KDM4B: variants seen among roughly 807,000 people sequenced by gnomAD.
The protein encoded by KDM4B is lysine demethylase 4B, also known as lysine-specific demethylase 4B.
Under a neutral mutation model 125.2 loss-of-function variants are expected in KDM4B, and 32 were observed. The observed-to-expected ratio is 0.26, with a 90% CI of 0.19 to 0.34. The LOEUF is 0.34. KDM4B is among the 10% of genes least tolerant of loss of function. KDM4B has a pLI of 1.00. For missense variants in KDM4B, 1,190 were observed against 1,577.7 expected, an observed-to-expected ratio of 0.75 and a Z score of 4.16; for synonymous variants, 721 against 677.9, an observed-to-expected ratio of 1.06 and a Z score of -0.99.
At position 5,137,452 on chromosome 19, in the gene KDM4B, C is replaced by CA. The variant is rs146219539; in HGVS notation, c.2385+114_2385+115insA. On this transcript the variant is annotated intron_variant, in intron 16 of 22. Transcript: ENST00000159111. Reference sequence around the variant, plus strand: ...CCTCCGTGGGCCTGGGTTCCTTCACCTCTGCCCTGAGGGGGTGGAACCCAA... The same window carrying CA: ...CCTCCGTGGGCCTGGGTTCCTTCACCATCTGCCCTGAGGGGGTGGAACCCAA... The CA allele has an allele frequency of 5.5e-4, 688 of 1,243,102 alleles. 3 individuals are homozygous for CA. The African/African-American group carries it at 9.3e-3, about 17-fold the overall frequency. 77.0% of individuals were successfully genotyped at this position (1,243,102 alleles called of 1,614,324 possible).
chr19:5,137,209 TCC>T, intron 15 of KDM4B, 51 bp from the exon 16 acceptor site: 1 of 1,389,886 alleles, frequency 7.2e-7, no homozygotes. Flanking sequence ...TTCACTCGGC[TCC>T]CCAAGTCTCA....
At chr19:5,144,620 G>T (rs1417387942) in intron 20 of KDM4B, among the ~76,000 whole-genome samples, 163 bp from the exon 21 acceptor site, 2 of 152,182 alleles carry the variant, frequency 1.3e-5, no homozygotes, top group Admixed American at 1.3e-4. Context: ...AAAGCGACCC[G>T]CAGCCAGGGC....
At chr19:5,092,459 C>G (rs774054823) in intron 9 of KDM4B, among the ~76,000 whole-genome samples, 13 of 152,218 alleles carry the variant, frequency 8.5e-5, no homozygotes, top group South Asian at 8.3e-4. Context: ...ATCACGCCCT[C>G]TAATACCCCC....
At chr19:5,150,284 T>C (rs2039923681) in intron 21 of KDM4B, 74 bp from the exon 22 acceptor site, 5 of 1,313,142 alleles carry the variant, frequency 3.8e-6, no homozygotes, top group Admixed American at 2.0e-5. Context: ...CTCCCAGCTC[T>C]TGAGGCCGTG....
At chr19:4,969,252 C>A (rs1200872715) in intron 1 of KDM4B, 22 bp downstream of exon 1, 5 of 147,410 alleles carry the variant, frequency 3.4e-5, no homozygotes, top group African/African-American at 1.2e-4. Flanking sequence ...GGGAGGCCGC[C>A]CGGCCGTGTC....
chr19:5,047,780 G>A (rs1184774033), intron 6 of KDM4B, 111 bp downstream of exon 6: 19 of 1,033,772 alleles, frequency 1.8e-5, no homozygotes, highest in African/African-American at 3.2e-5. Context: ...AGGTGAGGCC[G>A]CAAAGGTCGG....
intron 10 of KDM4B, chr19:5,113,145 C>A (rs1312511209): frequency 6.6e-6 from 1 of 152,250 alleles, no homozygotes; most frequent in Non-Finnish European, 1.5e-5. Context: ...CTGGCCTGGC[C>A]TCCCTGCCCC....
At chr19:5,143,879 A>G in intron 18 of KDM4B, 88 bp from the exon 19 acceptor site, 2 of 1,075,850 alleles carry the variant, frequency 1.9e-6, no homozygotes, top group Non-Finnish European at 2.7e-6. Flanking sequence ...CCTCCCTTGA[A>G]GGCTGTGCCG....
Position 5,141,709 on chromosome 19 carries a change from G to A in KDM4B, c.2551-2258G>A, listed in dbSNP as rs977263325. Among the ~76,000 whole-genome samples, 4 of 152,162 alleles carry A rather than the reference G, an allele frequency of 2.6e-5. No homozygotes were observed. Among genetic ancestry groups the A allele is most frequent in the South Asian group, 4.1e-4 (2 of 4,834 alleles). On this transcript the variant is annotated intron_variant, in intron 18 of 22. Coordinates refer to ENST00000159111, the MANE Select transcript of KDM4B (RefSeq NM_015015.3). The surrounding 1 kb of genome is among the most constrained non-coding windows in gnomAD (Gnocchi z 6.4). ...CAGTCCTGGTGAGTCAGGGGGCTCC[G>A]GCTGGCCGCCCGCCTGGGCCAAGTT...
intron 1 of KDM4B, among the ~76,000 whole-genome samples, chr19:5,005,507 C>T (rs1227877236): frequency 1.3e-5 from 2 of 152,120 alleles, no homozygotes; most frequent in African/African-American, 2.4e-5. Context: ...ACATGGGGAG[C>T]CCCCTTTACA....
At position 5,078,214 on chromosome 19, in the gene KDM4B, T is replaced by C. The variant is rs915937959; in HGVS notation, c.780+744T>C. On this transcript the variant is annotated intron_variant, in intron 8 of 22. Transcript: ENST00000159111. This position sits in a 1 kb window ranked among gnomAD's most constrained non-coding sequence, Gnocchi z 4.5. Reference sequence around the variant, plus strand: ...GAGAGTCTAGGCCTGTGTCCCCAGCTCTGTCCAGGTGAGAGGCACGTGCCA... The same window carrying C: ...GAGAGTCTAGGCCTGTGTCCCCAGCCCTGTCCAGGTGAGAGGCACGTGCCA... The C allele has an allele frequency of 9.8e-5, 15 of 152,398 alleles. No individual in the cohort carries two copies. The highest frequency in any genetic ancestry group is 3.6e-4 in the African/African-American group (15 of 41,548). 9.4% of individuals were successfully genotyped at this position (152,398 alleles called of 1,614,324 possible). A position where few individuals can be genotyped will look rare whatever the true frequency, so the allele number is the denominator to read the frequency against.
At chr19:4,980,964 G>A (rs1416488270) in intron 1 of KDM4B, among the ~76,000 whole-genome samples, 1 of 151,838 alleles carries the variant, frequency 6.6e-6, no homozygotes, top group African/African-American at 2.4e-5. Context: ...GGCGGGGTCA[G>A]CTTGGCGGAT....
rs759826628 is a variant in KDM4B, at chr19:5,114,511, C to T, written c.1115+3693C>T. The T allele has an allele frequency of 5.9e-5, 21 of 356,164 alleles. No individual in the cohort carries two copies. The highest frequency in any genetic ancestry group is 2.6e-4 in the African/African-American group (12 of 46,842). The allele number at this position is 356,164 out of a possible 1,614,324, so 22.1% of individuals were successfully genotyped here. A position where few individuals can be genotyped will look rare whatever the true frequency, so the allele number is the denominator to read the frequency against. On this transcript the variant is annotated intron_variant, in intron 10 of 22. Transcript: ENST00000159111. The surrounding 1 kb of genome is among the most constrained non-coding windows in gnomAD (Gnocchi z 5.8). Reference sequence around the variant, plus strand: ...CTCAGCCCTCAGGGACAGAACCTCACGAGCACAGGGACCTGCCAGCCCCTG... The same window carrying T: ...CTCAGCCCTCAGGGACAGAACCTCATGAGCACAGGGACCTGCCAGCCCCTG...
chr19:5,099,033 T>C (rs2038881489), intron 9 of KDM4B, among the ~76,000 whole-genome samples: 1 of 152,360 alleles, frequency 6.6e-6, no homozygotes, highest in Non-Finnish European at 1.5e-5. Context: ...GTTGCTGCTT[T>C]CTTTCCTTTT....
Position 5,151,489 on chromosome 19 carries a change from G to A in KDM4B, c.3269G>A (p.Gly1090Asp), listed in dbSNP as rs779969390. ...GTGGAGAGCCTCCTGCAGGTGCAGG[G>A]CCGGCCCGGAGCCCCCTTCTAGGAC... is the stretch of plus-strand genomic sequence containing the variant. Reference protein sequence around the residue: ...AFVESLLQVQGRPGAPF With the variant: ...AFVESLLQVQDRPGAPF The change falls in exon 23 of 23, where the codon GGC (glycine) becomes GAC (aspartate). Residue 1090 changes from glycine to aspartate, a missense_variant. By Grantham distance (94) the Gly-to-Asp change is moderately conservative. Coordinates refer to ENST00000159111, the MANE Select transcript of KDM4B (RefSeq NM_015015.3). 3 of 1,465,710 alleles carry A rather than the reference G, an allele frequency of 2.0e-6. No individual in the cohort carries two copies. The highest frequency in any genetic ancestry group is 2.7e-6 in the Non-Finnish European group (3 of 1,106,448). 90.8% of individuals were successfully genotyped at this position (1,465,710 alleles called of 1,614,324 possible). A position where few individuals can be genotyped will look rare whatever the true frequency, so the allele number is the denominator to read the frequency against.
intron 1 of KDM4B, among the ~76,000 whole-genome samples, chr19:5,003,880 C>T (rs1431612189): frequency 6.6e-6 from 1 of 152,122 alleles, no homozygotes; most frequent in Non-Finnish European, 1.5e-5. Flanking sequence ...TCCGTATATG[C>T]CTGAGTCTGT....
At chr19:5,025,997 C>A (rs890060156) in intron 2 of KDM4B, among the ~76,000 whole-genome samples, 10 of 152,010 alleles carry the variant, frequency 6.6e-5, no homozygotes, top group Admixed American at 6.5e-4. Flanking sequence ...GTTGTCCTGC[C>A]TCAGTCTCCC....
rs116363887 is a variant in KDM4B at position 5,123,531 on chromosome 19, C to T, written c.1315+3679C>T. The stretch of plus-strand genomic sequence containing the variant: ...GTGACGCCCTTCCCAAACAAGGTGG[C>T]ACCCCAGGTCCGGGGGCTAGGACTG... On this transcript the variant is annotated intron_variant, in intron 11 of 22. Coordinates refer to ENST00000159111, the MANE Select transcript of KDM4B (RefSeq NM_015015.3). Among the ~76,000 whole-genome samples the T allele has an allele frequency of 7.0e-3, 1,066 of 152,356 alleles. 11 individuals carry two copies. The highest frequency in any genetic ancestry group is 0.025 in the African/African-American group (1,022 of 41,588).
At position 5,035,679 on chromosome 19, in the gene KDM4B, T is replaced by G. The variant is rs766655227; in HGVS notation, c.141+2648T>G. Among the ~76,000 whole-genome samples, 1 of 151,988 alleles carries G rather than the reference T, an allele frequency of 6.6e-6. No homozygotes were observed. The highest frequency in any genetic ancestry group is 1.5e-5 in the Non-Finnish European group (1 of 68,008). On this transcript the variant is annotated intron_variant, in intron 3 of 22. Transcript: ENST00000159111. The surrounding 1 kb of genome is among the most constrained non-coding windows in gnomAD (Gnocchi z 5.3). ...TTGGCACCGGCGTCTTAAGCCAGTG[T>G]GGGGAGTATGGTTTCCCTGCCTTGC...
Sources: gnomAD v4.1 joint callset for allele counts (sites outside exome capture counted in the v4.1 genomes callset) on GRCh38, gnomAD v4.1.1 for gene constraint, Gnocchi (gnomAD v3.1) non-coding constraint, MANE v1.5 for transcripts, NCBI Gene and HGNC (gene_info 2026-07-23, HGNC 2026-07-21) for gene names.